The following INPP5E variants were observed in gnomAD, a reference collection of about 807,000 sequenced individuals.
The protein encoded by INPP5E is phosphatidylinositol polyphosphate 5-phosphatase type IV.
INPP5E carries 34 observed loss-of-function variants against 50.5 expected under a neutral mutation model. That is an observed-to-expected ratio of 0.67 (90% CI 0.51 to 0.90). The LOEUF (loss-of-function observed/expected upper bound fraction) is 0.90, where lower values mean the gene tolerates loss of function less well. INPP5E is among the 40% of genes least tolerant of loss of function. The pLI, the probability that INPP5E is intolerant of heterozygous loss-of-function variation, is 0.00. For synonymous variants in INPP5E, 447 were observed against 406.0 expected (o/e 1.10, Z -1.21); for missense variants, 942 against 905.5 (o/e 1.04, Z -0.52).
chr9:136,429,472 GCCCTGCCCACCCACA>G lies in INPP5E; in HGVS notation c.*188_*202del. On this transcript the variant is annotated 3_prime_UTR_variant, in exon 10 of 10. Transcript: ENST00000371712. ...ACCTGCCATGGAGACGGGGGTCCAA[GCCCTGCCCACCCACA>G]CCGTGTGGACCTGCCACAGAGGACA... 1.4e-6 allele frequency: 1 copy of G among 723,336 alleles called. No individual in the cohort carries two copies. Among genetic ancestry groups the G allele is most frequent in the Non-Finnish European group, 2.4e-6 (1 of 408,360 alleles). The allele number at this position is 723,336 out of a possible 1,614,324, so 44.8% of individuals were successfully genotyped here. A position where few individuals can be genotyped will look rare whatever the true frequency, so the allele number is the denominator to read the frequency against.
intron 1 of INPP5E, chr9:136,438,406 T>C (rs1835882000): frequency 4.8e-6 from 3 of 619,666 alleles, no homozygotes; most frequent in Middle Eastern, 4.2e-4. Context: ...CCACGAATGG[T>C]TCTGAAACGC....
chr9:136,439,472 G>A lies in INPP5E; in HGVS notation c.-53C>T, dbSNP rs892898072. 4 of 1,321,994 alleles carry A rather than the reference G, an allele frequency of 3.0e-6. No individual in the cohort carries two copies. The highest frequency in any genetic ancestry group is 3.1e-5 in the African/African-American group (2 of 64,576). 81.9% of individuals were successfully genotyped at this position (1,321,994 alleles called of 1,614,324 possible). A position where few individuals can be genotyped will look rare whatever the true frequency, so the allele number is the denominator to read the frequency against. ...GCGCGAGGCCGCAGGCAGCGCGAGGGGTCACGGGTGCCGGGTCCGGGGTCG... is the reference window on the plus strand; with the variant it reads ...GCGCGAGGCCGCAGGCAGCGCGAGGAGTCACGGGTGCCGGGTCCGGGGTCG... On this transcript the variant is annotated 5_prime_UTR_variant, in exon 1 of 10. Transcript: ENST00000371712.
In INPP5E at chr9:136,438,892, G is replaced by A. The variant is rs561511490; in HGVS notation, c.528C>T (p.Ala176=). Residue 176 remains alanine (A), a synonymous_variant, in exon 1 of 10, where the codon GCC becomes GCT. Transcript: ENST00000371712. ...SSSPNLPHRD[A]AVAGSSPRLP... ...GCCTGGGCGAGCTCCCCGCCACGGC[G>A]GCGTCTCTGTGCGGGAGGTTCGGGG... The A allele has an allele frequency of 2.8e-5, 44 of 1,585,312 alleles. No homozygotes were observed. In the Admixed American group the frequency reaches 7.6e-4, roughly 27 times the overall value.
At chr9:136,436,874 A>C (rs2131613734) in intron 1 of INPP5E, 1 of 152,368 alleles carries the variant, frequency 6.6e-6, no homozygotes, top group South Asian at 2.1e-4. Context: ...GCTGTTAGGC[A>C]GCAGAACTGG....
chr9:136,433,345 C>A, intron 3 of INPP5E, 66 bp from the exon 4 acceptor site: 1 of 1,516,678 alleles, frequency 6.6e-7, no homozygotes, highest in South Asian at 1.2e-5. Flanking sequence ...CCCAGACCTG[C>A]TGCCCAGAGC....
At position 136,433,928 on chromosome 9, in the gene INPP5E, G is replaced by T. The variant is rs552305707; in HGVS notation, c.1034+109C>A. 74 of 861,130 alleles carry T rather than the reference G, an allele frequency of 8.6e-5. 2 individuals are homozygous for T. The South Asian group carries it at 9.5e-4, about 11-fold the overall frequency. The allele number at this position is 861,130 out of a possible 1,614,324, so 53.3% of individuals were successfully genotyped here. On this transcript the variant is annotated intron_variant, in intron 3 of 9. Transcript: ENST00000371712. ...AGCAGCTTCACAGATGGCAGCCCCCGGGCAGGCACTGCAGACCCGTGCCCA... is the reference window on the plus strand; with the variant it reads ...AGCAGCTTCACAGATGGCAGCCCCCTGGCAGGCACTGCAGACCCGTGCCCA...
At position 136,439,288 on chromosome 9, in the gene INPP5E, G is replaced by A; in HGVS notation, c.132C>T (p.Gly44=). 6.9e-7 allele frequency: 1 copy of A among 1,446,528 alleles called. No individual in the cohort carries two copies. Among genetic ancestry groups the A allele is most frequent in the Non-Finnish European group, 9.0e-7 (1 of 1,109,196 alleles). The allele number at this position is 1,446,528 out of a possible 1,614,324, so 89.6% of individuals were successfully genotyped here. ...TGCAGGCAAGCGCGGGGCTCTCGGA[G>A]CCCGGAGCATCGGGTGGGGACCCCG... ...QRAGSPPDAP[G]SESPALACST... Residue 44 remains glycine (G), a synonymous_variant, in exon 1 of 10, where the codon GGC becomes GGT. Coordinates refer to ENST00000371712, the MANE Select transcript of INPP5E (RefSeq NM_019892.6).
At position 136,431,770 on chromosome 9, in the gene INPP5E, C is replaced by G. The variant is rs531538571; in HGVS notation, c.1549+54G>C. The G allele has an allele frequency of 3.3e-5, 16 of 479,404 alleles. 2 individuals are homozygous for G. Among genetic ancestry groups the G allele is most frequent in the African/African-American group, 1.1e-4 (2 of 17,794 alleles). 29.7% of individuals were successfully genotyped at this position (479,404 alleles called of 1,614,324 possible). ...CTCATCTCCCTCCACGCCCGCCCCC[C>G]CAGGCCCTCACCTCTCCTCATCTCC... On this transcript the variant is annotated intron_variant, in intron 7 of 9. Transcript: ENST00000371712.
In INPP5E at chr9:136,438,825, G is replaced by A. The variant is rs771778184; in HGVS notation, c.595C>T (p.Leu199=). The change falls in exon 1 of 10, where the codon CTG becomes TTG. Residue 199 remains leucine (L), a synonymous_variant. Coordinates refer to ENST00000371712, the MANE Select transcript of INPP5E (RefSeq NM_019892.6). ...CTCAGGGAGTCGGAGGCGATGTCCA[G>A]GCTCAGGGCAGGCGGTGGGCGCGGG... ...LPPRPPPALS[L]DIASDSLRTA... The A allele has an allele frequency of 6.2e-7, 1 of 1,611,528 alleles. No individual in the cohort carries two copies. The highest frequency in any genetic ancestry group is 1.3e-5 in the African/African-American group (1 of 75,032).
intron 5 of INPP5E, 105 bp downstream of exon 5, chr9:136,432,851 G>T: frequency 7.0e-7 from 1 of 1,432,816 alleles, no homozygotes; most frequent in Non-Finnish European, 9.6e-7. Context: ...GGCCCTGGGT[G>T]GAAGATGAAG....
chr9:136,432,757 C>T (rs1016238991), intron 5 of INPP5E, among the ~76,000 whole-genome samples, 171 bp from the exon 6 acceptor site: 2 of 152,234 alleles, frequency 1.3e-5, no homozygotes, highest in Non-Finnish European at 2.9e-5. Flanking sequence ...GGACAGAGCA[C>T]GGGCCCAGCA....
At position 136,429,774 on chromosome 9, in the gene INPP5E, T is replaced by C; in HGVS notation, c.1836A>G (p.Glu612=). ...GTCTTTTAATTCCTAGTAAGTACAG[T>C]TCTCTATCAAATTTGCCAGCTGCCA... The part of the protein sequence containing the change: ...IPLAAGKFDR[E]LYLLGIKRRI... The change falls in exon 10 of 10, where the codon GAA becomes GAG. Residue 612 remains glutamate (E), a synonymous_variant. Coordinates refer to ENST00000371712, the MANE Select transcript of INPP5E (RefSeq NM_019892.6). 2 of 1,613,386 alleles carry C rather than the reference T, an allele frequency of 1.2e-6. No individual in the cohort carries two copies. Among genetic ancestry groups the C allele is most frequent in the Non-Finnish European group, 1.7e-6 (2 of 1,179,922 alleles).
rs1489150239 is a variant in INPP5E, at chr9:136,439,417, C to CATGGACGGT, written c.-7_2dup (p.Ser1_?0). 3 of 1,464,938 alleles carry CATGGACGGT rather than the reference C, an allele frequency of 2.0e-6. No individual in the cohort carries two copies. The African/African-American group carries it at 4.4e-5, about 22-fold the overall frequency. 90.7% of individuals were successfully genotyped at this position (1,464,938 alleles called of 1,614,324 possible). ...GCCGCAGATTCTCCGCCTTGGACGG[C>CATGGACGGT]ATGGACGGTCTCTCCCGGGGCAGGC... On this transcript the variant is annotated start_lost and start_retained_variant, in exon 1 of 10. Transcript: ENST00000371712.
chr9:136,439,307 G>A lies in INPP5E; in HGVS notation c.113C>T (p.Ser38Phe). 7.1e-7 allele frequency: 1 copy of A among 1,412,478 alleles called. No individual in the cohort carries two copies. The highest frequency in any genetic ancestry group is 9.2e-7 in the Non-Finnish European group (1 of 1,092,796). 87.5% of individuals were successfully genotyped at this position (1,412,478 alleles called of 1,614,324 possible). ...CTCGGAGCCCGGAGCATCGGGTGGG[G>A]ACCCCGCGCGCTGGGCCGGCGGAGC... ...PGAPPAQRAG[S>F]PPDAPGSESP... is the part of the protein sequence containing the mutation. Residue 38 changes from serine to phenylalanine, a missense_variant, in exon 1 of 10, where the codon TCC becomes TTC. Physicochemically the swap from Ser to Phe is radical, Grantham distance 155. Transcript: ENST00000371712.
intron 5 of INPP5E, 149 bp from the exon 6 acceptor site, chr9:136,432,735 T>C: frequency 2.2e-6 from 2 of 912,674 alleles, no homozygotes; most frequent in Non-Finnish European, 1.7e-6. Flanking sequence ...CCAGTGACAT[T>C]TCCGCCTCGG....
intron 6 of INPP5E, among the ~76,000 whole-genome samples, 183 bp from the exon 7 acceptor site, chr9:136,432,168 A>T (rs1330027534): frequency 6.6e-6 from 1 of 152,188 alleles, no homozygotes; most frequent in African/African-American, 2.4e-5. Flanking sequence ...GAGCAGCCTC[A>T]GGAGCAGACG....
rs1395545465 is a variant in INPP5E at position 136,434,075 on chromosome 9, G to A, written c.996C>T (p.Asp332=). The change falls in exon 3 of 10, where the codon GAC becomes GAT. Residue 332 remains aspartate (D), a synonymous_variant. Transcript: ENST00000371712. ...LLPAEADYAQ[D]LYVIGVQEGC... is the part of the protein sequence containing the mutation. ...CCTCCTGGACCCCGATGACATACAGGTCCTGGGCATAGTCGGCCTCGGCTG... is the reference window on the plus strand; with the variant it reads ...CCTCCTGGACCCCGATGACATACAGATCCTGGGCATAGTCGGCCTCGGCTG... 2 of 1,611,212 alleles carry A rather than the reference G, an allele frequency of 1.2e-6. No homozygotes were observed. The highest frequency in any genetic ancestry group is 1.7e-6 in the Non-Finnish European group (2 of 1,179,604).
chr9:136,430,450 T>C (rs767132273), intron 8 of INPP5E, 37 bp from the exon 9 acceptor site: 3 of 1,551,686 alleles, frequency 1.9e-6, no homozygotes, highest in African/African-American at 1.4e-5. Context: ...GTCCAGTTAC[T>C]TGTGAGGAGC....
At position 136,433,262 on chromosome 9, in the gene INPP5E, C is replaced by A. The variant is rs775094328; in HGVS notation, c.1052G>T (p.Arg351Leu). 6.3e-7 allele frequency: 1 copy of A among 1,585,762 alleles called. No individual in the cohort carries two copies. Among genetic ancestry groups the A allele is most frequent in the Admixed American group, 1.7e-5 (1 of 58,386 alleles). The part of the protein sequence containing the change: ...GCSDRREWET[R>L]LQETLGPHYV... The stretch of plus-strand genomic sequence containing the variant: ...GTGCGGGCCCAGCGTCTCCTGCAGA[C>A]GAGTCTCCCACTCCCGCCTGCAGAG... The change falls in exon 4 of 10, where the codon CGT (arginine) becomes CTT (leucine). Residue 351 changes from arginine (R) to leucine (L), a missense_variant. Physicochemically the swap from Arg to Leu is moderately radical, Grantham distance 102 (BLOSUM62 -2). Coordinates refer to ENST00000371712, the MANE Select transcript of INPP5E (RefSeq NM_019892.6).
Sources: gnomAD v4.1 joint callset for allele counts (sites outside exome capture counted in the v4.1 genomes callset) on GRCh38, gnomAD v4.1.1 for gene constraint, MANE v1.5 for transcripts, NCBI Gene and HGNC (gene_info 2026-07-23, HGNC 2026-07-21) for gene names.